The following HLA-DMB variants were observed in gnomAD, a reference collection of about 807,000 sequenced individuals.
HLA-DMB encodes the protein major histocompatibility complex, class II, DM beta.
A neutral mutation model predicts 29.3 loss-of-function variants in HLA-DMB; 18 were observed. The observed-to-expected ratio is 0.62, with a 90% CI of 0.43 to 0.91. The LOEUF (loss-of-function observed/expected upper bound fraction) is 0.91. Among genes scored for constraint, HLA-DMB ranks in the 40% least tolerant of loss-of-function variants. The pLI is 0.00. For missense variants in HLA-DMB, 258 were observed against 320.9 expected (o/e 0.80, Z 1.50); for synonymous variants, 143 against 128.7 (o/e 1.11, Z -0.75).
rs1379920976 is a variant in HLA-DMB, at chr6:32,938,962, C to T, written c.59G>A (p.Gly20Asp). 1.0e-5 allele frequency: 16 copies of T among 1,552,160 alleles called. No individual in the cohort carries two copies. The highest frequency in any genetic ancestry group is 2.0e-4 in the Middle Eastern group (1 of 4,922). ...GGTGCTTTCCACATGGGCCACGAAG[C>T]CACCTAGAGGAGCCAGGGAAGGGAG... is the stretch of plus-strand genomic sequence containing the variant. Reference protein sequence around the residue: ...GLSLGCTGAGGFVAHVESTCL... With the variant: ...GLSLGCTGAGDFVAHVESTCL... Residue 20 changes from glycine (G) to aspartate (D), a missense_variant, in exon 2 of 6, where the codon GGC becomes GAC. Transcript: ENST00000418107.
intron 1 of HLA-DMB, 98 bp downstream of exon 1, chr6:32,940,655 C>T (rs1776302862): frequency 6.1e-6 from 5 of 826,074 alleles, no homozygotes; most frequent in South Asian, 1.6e-5. Flanking sequence ...ACCAGGGAGA[C>T]AAACTATCTG....
Position 32,940,937 on chromosome 6 carries a change from T to G in HLA-DMB, c.-130A>C. On this transcript the variant is annotated 5_prime_UTR_variant, in exon 1 of 6. Transcript: ENST00000418107. Reference sequence around the variant, plus strand: ...CCAGACACTGAGCAGAATACTATATTGCCCGGGTCCCTTGACCCCCCAAAT... The same window carrying G: ...CCAGACACTGAGCAGAATACTATATGGCCCGGGTCCCTTGACCCCCCAAAT... The G allele has an allele frequency of 1.6e-6, 1 of 635,738 alleles. No homozygotes were observed. Among genetic ancestry groups the G allele is most frequent in the Non-Finnish European group, 2.7e-6 (1 of 364,476 alleles). The allele number at this position is 635,738 out of a possible 1,614,324, so 39.4% of individuals were successfully genotyped here.
Position 32,937,288 on chromosome 6 carries a change from T to C in HLA-DMB, c.506A>G (p.Asn169Ser), listed in dbSNP as rs763176877. ...HSSAHKTAQP[N>S]GDWTYQTLSH... The stretch of plus-strand genomic sequence containing the variant: ...GAGGGTCTGGTATGTCCAGTCTCCA[T>C]TGGGCTGGGCAGTCTTGTGCGCACT... The change falls in exon 3 of 6, where the codon AAT (asparagine) becomes AGT (serine). Residue 169 changes from asparagine to serine, a missense_variant. Transcript: ENST00000418107. The surrounding 1 kb of genome is among the most constrained non-coding windows in gnomAD (Gnocchi z 4.1). 6.2e-6 allele frequency: 10 copies of C among 1,614,188 alleles called. No homozygotes were observed. Among genetic ancestry groups the C allele is most frequent in the Middle Eastern group, 1.6e-4 (1 of 6,062 alleles).
chr6:32,940,744 T>C lies in HLA-DMB; in HGVS notation c.55+9A>G. The C allele has an allele frequency of 1.9e-6, 3 of 1,602,122 alleles. No individual in the cohort carries two copies. The South Asian group carries it at 3.4e-5, about 18-fold the overall frequency. ...GGGAAGGGAGAGTCCCCAGAAGAAG[T>C]GTCCTTACCTGCTCCTGTGCAGCCC... On this transcript the variant is annotated intron_variant, in intron 1 of 5. Coordinates refer to ENST00000418107, the MANE Select transcript of HLA-DMB (RefSeq NM_002118.5).
At position 32,935,574 on chromosome 6, in the gene HLA-DMB, G is replaced by C; in HGVS notation, c.701C>G (p.Ser234Cys). 1.2e-6 allele frequency: 2 copies of C among 1,613,110 alleles called. No homozygotes were observed. The highest frequency in any genetic ancestry group is 1.1e-5 in the South Asian group (1 of 91,078). Residue 234 changes from serine to cysteine, a missense_variant, in exon 4 of 6, where the codon TCT becomes TGT. Physicochemically the swap from Ser to Cys is moderately radical, Grantham distance 112. Coordinates refer to ENST00000418107, the MANE Select transcript of HLA-DMB (RefSeq NM_002118.5). ...VTLGLGLIIF[S>C]LGVISWRRAG... ...TCTCCGCCAGCTGATCACACCAAGA[G>C]AGAAGATGATGAGGCCCAGGCCCAG... is the stretch of plus-strand genomic sequence containing the variant.
rs868761739 is a variant in HLA-DMB, at chr6:32,937,650, C to T, written c.338-194G>A. On this transcript the variant is annotated intron_variant, in intron 2 of 5. Transcript: ENST00000418107. This position sits in a 1 kb window ranked among gnomAD's most constrained non-coding sequence, Gnocchi z 4.1. ...CATTACTCTTTCTTCTCTCCCATTC[C>T]TTCATTGCCCCTTTCTTTCTTTCCT... The T allele has an allele frequency of 3.5e-6, 2 of 575,482 alleles. No individual in the cohort carries two copies. The highest frequency in any genetic ancestry group is 6.1e-6 in the Non-Finnish European group (2 of 326,132). 35.6% of individuals were successfully genotyped at this position (575,482 alleles called of 1,614,324 possible).
At chr6:32,939,015 G>A (rs770671320) in intron 1 of HLA-DMB, 50 bp from the exon 2 acceptor site, 13 of 1,139,108 alleles carry the variant, frequency 1.1e-5, no homozygotes, top group Non-Finnish European at 1.5e-5. Flanking sequence ...TACTGGCCTG[G>A]CAATAAATAA....
In HLA-DMB at chr6:32,937,425, A is replaced by C. The variant is rs761066493; in HGVS notation, c.369T>G (p.Thr123=). The part of the protein sequence containing the change: ...RPPSVQVAKT[T]PFNTREPVML... ...TCACAGGCTCCCTCGTGTTAAAAGG[A>C]GTGGTTTTGGCTACTTGCACAGATG... The change falls in exon 3 of 6, where the codon ACT becomes ACG. Residue 123 remains threonine, a synonymous_variant. Coordinates refer to ENST00000418107, the MANE Select transcript of HLA-DMB (RefSeq NM_002118.5). This position sits in a 1 kb window ranked among gnomAD's most constrained non-coding sequence, Gnocchi z 4.1. 3.7e-6 allele frequency: 6 copies of C among 1,613,964 alleles called. No individual in the cohort carries two copies. Among genetic ancestry groups the C allele is most frequent in the Non-Finnish European group, 5.1e-6 (6 of 1,180,026 alleles).
rs1479314556 is a variant in HLA-DMB, at chr6:32,935,662, A to G, written c.623-10T>C. On this transcript the variant is annotated splice_polypyrimidine_tract_variant and intron_variant, in intron 3 of 5. Transcript: ENST00000418107. ...GGGGACAGCCCAGGTGCTGCAAAAA[A>G]TAGAAACTTACTTGACCCAGTTTCT... is the stretch of plus-strand genomic sequence containing the variant. 2.5e-6 allele frequency: 4 copies of G among 1,602,024 alleles called. No homozygotes were observed. The highest frequency in any genetic ancestry group is 3.3e-5 in the Admixed American group (2 of 59,910).
chr6:32,937,407 C>T lies in HLA-DMB; in HGVS notation c.387G>A (p.Glu129=). 1 of 1,614,188 alleles carries T rather than the reference C, an allele frequency of 6.2e-7. No individual in the cohort carries two copies. Among genetic ancestry groups the T allele is most frequent in the Non-Finnish European group, 8.5e-7 (1 of 1,180,012 alleles). Residue 129 remains glutamate (E), a synonymous_variant, in exon 3 of 6, where the codon GAG becomes GAA. Coordinates refer to ENST00000418107, the MANE Select transcript of HLA-DMB (RefSeq NM_002118.5). This position sits in a 1 kb window ranked among gnomAD's most constrained non-coding sequence, Gnocchi z 4.1. ...ACACATAGCAGGCCAGCATCACAGGCTCCCTCGTGTTAAAAGGAGTGGTTT... is the reference window on the plus strand; with the variant it reads ...ACACATAGCAGGCCAGCATCACAGGTTCCCTCGTGTTAAAAGGAGTGGTTT... ...VAKTTPFNTR[E]PVMLACYVWG... is the part of the protein sequence containing the mutation.
At chr6:32,935,056 C>CCACAA (rs1405363688) in intron 5 of HLA-DMB, 69 bp from the exon 6 acceptor site, 1 of 1,552,836 alleles carries the variant, frequency 6.4e-7, no homozygotes, top group Non-Finnish European at 8.9e-7. Context: ...GTCACTGTAA[C>CCACAA]CATCCCATGC....
chr6:32,938,820 C>T lies in HLA-DMB; in HGVS notation c.201G>A (p.Gly67=), dbSNP rs1365767816. Residue 67 remains glycine, a synonymous_variant, in exon 2 of 6, where the codon GGG becomes GGA. Coordinates refer to ENST00000418107, the MANE Select transcript of HLA-DMB (RefSeq NM_002118.5). ...GGACATTCGCCAAGCTATTCAGCAC[C>T]CCAAATTCGCAAGGGGCCATCTTAT... ...EENKMAPCEF[G]VLNSLANVLS... 2.5e-6 allele frequency: 4 copies of T among 1,611,698 alleles called. No homozygotes were observed. In the African/African-American group the frequency reaches 4.0e-5, roughly 16 times the overall value.
chr6:32,935,776 A>C (rs2127467273), intron 3 of HLA-DMB, 124 bp from the exon 4 acceptor site: 4 of 649,482 alleles, frequency 6.2e-6, no homozygotes, highest in East Asian at 2.7e-5. Context: ...GGTCTAGCTC[A>C]CACCACCCAC....
intron 3 of HLA-DMB, chr6:32,936,945 G>A (rs1776035978): frequency 1.0e-5 from 4 of 394,646 alleles, no homozygotes; most frequent in Admixed American, 4.4e-5. Context: ...AAGTAATTGC[G>A]GTTTTTGCCA....
At chr6:32,939,300 G>T (rs1776209800) in intron 1 of HLA-DMB, among the ~76,000 whole-genome samples, 1 of 152,208 alleles carries the variant, frequency 6.6e-6, no homozygotes, top group Non-Finnish European at 1.5e-5. Context: ...AAGGGGAAGG[G>T]GCTGGAGATT....
chr6:32,940,617 C>A, intron 1 of HLA-DMB, 136 bp downstream of exon 1: 1 of 590,446 alleles, frequency 1.7e-6, no homozygotes, highest in South Asian at 2.2e-5. Context: ...AAAATTGCTA[C>A]AAAGTACAAA....
In HLA-DMB at chr6:32,937,011, T is replaced by C. The variant is rs1776040966; in HGVS notation, c.622+161A>G. On this transcript the variant is annotated intron_variant, in intron 3 of 5. Transcript: ENST00000418107. The surrounding 1 kb of genome is among the most constrained non-coding windows in gnomAD (Gnocchi z 4.1). ...TTTGCACCAACCTAAATATTTCCATTTCTTTATCCCATTTCCCCATTCTGG... is the reference window on the plus strand; with the variant it reads ...TTTGCACCAACCTAAATATTTCCATCTCTTTATCCCATTTCCCCATTCTGG... 1.9e-6 allele frequency: 1 copy of C among 518,556 alleles called. No homozygotes were observed. The highest frequency in any genetic ancestry group is 1.9e-5 in the African/African-American group (1 of 51,698). The allele number at this position is 518,556 out of a possible 1,614,324, so 32.1% of individuals were successfully genotyped here. A position where few individuals can be genotyped will look rare whatever the true frequency, so the allele number is the denominator to read the frequency against.
chr6:32,935,753 TC>T, intron 3 of HLA-DMB, 101 bp from the exon 4 acceptor site: 1 of 762,924 alleles, frequency 1.3e-6, no homozygotes, highest in East Asian at 2.5e-5. Context: ...AGGTCCTTTA[TC>T]CCAGCTCCAA....
rs375089997 is a variant in HLA-DMB, at chr6:32,937,511, C to G, written c.338-55G>C. The G allele has an allele frequency of 2.6e-6, 4 of 1,542,432 alleles. No individual in the cohort carries two copies. The highest frequency in any genetic ancestry group is 4.5e-5 in the East Asian group (2 of 44,248). ...AGGAGGGTGACATTCTGGCTGCTTC[C>G]TCAACCTGGTTTCTTCCCTATCGCA... On this transcript the variant is annotated intron_variant, in intron 2 of 5. Transcript: ENST00000418107. This position sits in a 1 kb window ranked among gnomAD's most constrained non-coding sequence, Gnocchi z 4.1.
Sources: allele counts gnomAD v4.1 joint callset (sites outside exome capture counted in the v4.1 genomes callset), GRCh38; gene constraint gnomAD v4.1.1; non-coding constraint Gnocchi (gnomAD v3.1); transcripts MANE v1.5; gene names NCBI Gene and HGNC (gene_info 2026-07-23, HGNC 2026-07-21).